Variants in RFTN1 observed in about 807,000 individuals in gnomAD.
The protein encoded by RFTN1 is raftlin.
In RFTN1, 26 loss-of-function variants were observed where a neutral mutation model predicts 46.5. The observed-to-expected ratio is 0.56, with a 90% CI of 0.41 to 0.78. The LOEUF (loss-of-function observed/expected upper bound fraction) is 0.78, where lower values mean the gene tolerates loss of function less well. RFTN1 is among the 30% of genes least tolerant of loss of function. RFTN1 has a pLI of 0.00. For synonymous variants in RFTN1, 261 were observed against 284.2 expected (o/e 0.92, Z 0.82); for missense variants, 693 against 718.7 (o/e 0.96, Z 0.41).
chr3:16,349,212 G>A, intron 7 of RFTN1: 1 of 152,340 alleles, frequency 6.6e-6, no homozygotes, highest in Middle Eastern at 3.4e-3. Flanking sequence ...GAGACAAGAA[G>A]AAAAAGAATT....
At chr3:16,482,387 T>G (rs1361139868) in intron 2 of RFTN1, among the ~76,000 whole-genome samples, 1 of 152,198 alleles carries the variant, frequency 6.6e-6, no homozygotes, top group African/African-American at 2.4e-5. Flanking sequence ...CATCTATGAT[T>G]CACCAAAACA....
rs952934985 is a variant in RFTN1 at position 16,317,499 on chromosome 3, G to A, written c.1333-267C>T. ...GGGCAGAGCAGTATTTCTTTTGACT[G>A]GCTCTATACCAAAGGCCCACATAGG... On this transcript the variant is annotated intron_variant, in intron 9 of 9. Coordinates refer to ENST00000334133, the MANE Select transcript of RFTN1 (RefSeq NM_015150.2). This position sits in a 1 kb window ranked among gnomAD's most constrained non-coding sequence, Gnocchi z 4.3. Among the ~76,000 whole-genome samples the A allele has an allele frequency of 3.9e-5, 6 of 152,104 alleles. No individual in the cohort carries two copies. Among genetic ancestry groups the A allele is most frequent in the Non-Finnish European group, 7.4e-5 (5 of 68,020 alleles).
At chr3:16,455,049 C>T (rs1053039671) in intron 2 of RFTN1, among the ~76,000 whole-genome samples, 3 of 152,162 alleles carry the variant, frequency 2.0e-5, no homozygotes, top group African/African-American at 7.2e-5. Flanking sequence ...GAAAAACAGG[C>T]TGATAAATGA....
intron 5 of RFTN1, 124 bp downstream of exon 5, chr3:16,377,594 T>G: frequency 6.9e-7 from 1 of 1,443,294 alleles, no homozygotes; most frequent in Non-Finnish European, 9.2e-7. Flanking sequence ...TTTCTCCTGT[T>G]TGATGGACTG....
chr3:16,488,538 T>C (rs1037951712), intron 2 of RFTN1, among the ~76,000 whole-genome samples: 13 of 152,204 alleles, frequency 8.5e-5, no homozygotes, highest in African/African-American at 2.9e-4. Flanking sequence ...GTATAGAGTG[T>C]CATTTAAAAA....
At chr3:16,359,750 C>G (rs571838445) in intron 6 of RFTN1, among the ~76,000 whole-genome samples, 4 of 152,022 alleles carry the variant, frequency 2.6e-5, no homozygotes, top group Non-Finnish European at 5.9e-5. Context: ...ACAAACAAAG[C>G]GCATTTCAAT....
chr3:16,472,074 C>T (rs2076206649), intron 2 of RFTN1: 2 of 151,850 alleles, frequency 1.3e-5, no homozygotes, highest in East Asian at 3.9e-4. Context: ...CTTTTCTCTT[C>T]CTTCCCATTT....
chr3:16,345,264 T>TTTGTGTGTGTGTG lies in RFTN1; in HGVS notation c.1146+12667_1146+12668insCACACACACACAA, dbSNP rs1491581919. ...AAACTGTAAGATAATAAGTAGGTGG[T>TTTGTGTGTGTGTG]TGTGTGTGTGTGTGTGTGTGTGTGT... On this transcript the variant is annotated intron_variant, in intron 7 of 9. Coordinates refer to ENST00000334133, the MANE Select transcript of RFTN1 (RefSeq NM_015150.2). The surrounding 1 kb of genome is among the most constrained non-coding windows in gnomAD (Gnocchi z 5.2). 22 of 145,930 alleles carry TTTGTGTGTGTGTG rather than the reference T, an allele frequency of 1.5e-4. No individual in the cohort carries two copies. Among genetic ancestry groups the TTTGTGTGTGTGTG allele is most frequent in the African/African-American group, 5.3e-4 (20 of 37,852 alleles). The allele number at this position is 145,930 out of a possible 1,614,324, so 9.0% of individuals were successfully genotyped here.
Position 16,345,574 on chromosome 3 carries a change from C to T in RFTN1, c.1146+12358G>A, listed in dbSNP as rs13068487. Among the ~76,000 whole-genome samples, 4,169 of 152,116 alleles carry T rather than the reference C, an allele frequency of 0.027. 79 individuals are homozygous for T. Among genetic ancestry groups the T allele is most frequent in the Non-Finnish European group, 0.04 (2,727 of 67,986 alleles). Reference sequence around the variant, plus strand: ...GGGTGGAGGAAGGCTGAATTAACACCGCCTGACTGCTTGAACAGGAACGTC... The same window carrying T: ...GGGTGGAGGAAGGCTGAATTAACACTGCCTGACTGCTTGAACAGGAACGTC... On this transcript the variant is annotated intron_variant, in intron 7 of 9. Coordinates refer to ENST00000334133, the MANE Select transcript of RFTN1 (RefSeq NM_015150.2). This position sits in a 1 kb window ranked among gnomAD's most constrained non-coding sequence, Gnocchi z 5.2.
In RFTN1 at chr3:16,495,039, G is replaced by A. The variant is rs561553420; in HGVS notation, c.-8-1162C>T. Among the ~76,000 whole-genome samples, 8 of 152,266 alleles carry A rather than the reference G, an allele frequency of 5.3e-5. No homozygotes were observed. In the East Asian group the frequency reaches 1.3e-3, roughly 26 times the overall value. On this transcript the variant is annotated intron_variant, in intron 1 of 9. Transcript: ENST00000334133. ...AGGGCATGGGGCGGGTGGAGTGGAA[G>A]GAGACGGTGTAGCGACAACCAGGCT...
chr3:16,441,933 A>C (rs987148768), intron 2 of RFTN1, among the ~76,000 whole-genome samples: 1 of 152,206 alleles, frequency 6.6e-6, no homozygotes, highest in Non-Finnish European at 1.5e-5. Context: ...TCACTTTTTG[A>C]TGCAGGACTT....
chr3:16,473,775 T>G lies in RFTN1; in HGVS notation c.145+19950A>C, dbSNP rs2076238637. 6.6e-6 allele frequency among the ~76,000 whole-genome samples: 1 copy of G among 152,196 alleles called. No homozygotes were observed. The highest frequency in any genetic ancestry group is 2.4e-5 in the African/African-American group (1 of 41,444). On this transcript the variant is annotated intron_variant, in intron 2 of 9. Coordinates refer to ENST00000334133, the MANE Select transcript of RFTN1 (RefSeq NM_015150.2). This position sits in a 1 kb window ranked among gnomAD's most constrained non-coding sequence, Gnocchi z 5.3. ...TTTTACTTTCTTCCACCCTGCTGGC[T>G]ACTCCCTCAGAGACGGAGAGTCCCT...
chr3:16,382,884 C>G lies in RFTN1; in HGVS notation c.442-4782G>C, dbSNP rs555720045. 3.3e-5 allele frequency among the ~76,000 whole-genome samples: 5 copies of G among 152,240 alleles called. No individual in the cohort carries two copies. The highest frequency in any genetic ancestry group is 1.2e-4 in the African/African-American group (5 of 41,534). ...GCCAGGGTCTTCATGAGCATGGAAC[C>G]AAATCAACATGGAAGAACAGGTCAT... On this transcript the variant is annotated intron_variant, in intron 4 of 9. Transcript: ENST00000334133. This position sits in a 1 kb window ranked among gnomAD's most constrained non-coding sequence, Gnocchi z 4.7.
At chr3:16,319,582 T>G (rs2068813085) in intron 9 of RFTN1, among the ~76,000 whole-genome samples, 1 of 152,322 alleles carries the variant, frequency 6.6e-6, no homozygotes, top group Middle Eastern at 3.4e-3. Context: ...CCATCTAATA[T>G]GAGCCCAGAT....
At chr3:16,435,914 G>A (rs1345184408) in intron 2 of RFTN1, among the ~76,000 whole-genome samples, 46 of 66,198 alleles carry the variant, frequency 6.9e-4, no homozygotes, top group African/African-American at 3.0e-3. Context: ...AATCAGAGAT[G>A]TAAATATATA....
chr3:16,475,147 C>T lies in RFTN1; in HGVS notation c.145+18578G>A, dbSNP rs1402396401. 6.6e-6 allele frequency among the ~76,000 whole-genome samples: 1 copy of T among 152,204 alleles called. No individual in the cohort carries two copies. ...CTCACCATGTGACACACCAGCTCCC[C>T]TTCCACTTGCACAATGTTTGGAAGC... On this transcript the variant is annotated intron_variant, in intron 2 of 9. Transcript: ENST00000334133. The surrounding 1 kb of genome is among the most constrained non-coding windows in gnomAD (Gnocchi z 4.2).
chr3:16,331,321 A>C (rs1355775484), intron 7 of RFTN1, among the ~76,000 whole-genome samples: 2 of 152,240 alleles, frequency 1.3e-5, no homozygotes, highest in Non-Finnish European at 2.9e-5. Flanking sequence ...ATTTTCTACC[A>C]TGGGAAATAA....
At chr3:16,435,248 T>C (rs2075480091) in intron 2 of RFTN1, among the ~76,000 whole-genome samples, 1 of 152,160 alleles carries the variant, frequency 6.6e-6, no homozygotes, top group African/African-American at 2.4e-5. Context: ...ACACCTAGCT[T>C]TTTAGAATCA....
chr3:16,463,831 C>A (rs2076045643), intron 2 of RFTN1, among the ~76,000 whole-genome samples: 1 of 152,140 alleles, frequency 6.6e-6, no homozygotes, highest in Admixed American at 6.5e-5. Context: ...TTTCTTCTGT[C>A]AGGAAAATAG....
Sources: allele counts gnomAD v4.1 joint callset (sites outside exome capture counted in the v4.1 genomes callset), GRCh38; gene constraint gnomAD v4.1.1; non-coding constraint Gnocchi (gnomAD v3.1); transcripts MANE v1.5; gene names NCBI Gene and HGNC (gene_info 2026-07-23, HGNC 2026-07-21).